The following ASCC1 variants were observed in gnomAD, a reference collection of about 807,000 sequenced individuals.
ASCC1 encodes the protein ASC-1 complex subunit P50.
In ASCC1, 35 loss-of-function variants were observed where a neutral mutation model predicts 46.6. The observed-to-expected ratio is 0.75, with a 90% CI of 0.57 to 0.99. The LOEUF (loss-of-function observed/expected upper bound fraction) is 0.99. Among genes scored for constraint, ASCC1 ranks in the 50% least tolerant of loss-of-function variants. The pLI, the probability that ASCC1 is intolerant of heterozygous loss-of-function variation, is 0.00. For missense variants in ASCC1, 376 were observed against 428.7 expected, an observed-to-expected ratio of 0.88 and a Z score of 1.09; for synonymous variants, 143 against 146.6, an observed-to-expected ratio of 0.98 and a Z score of 0.18.
Position 72,152,873 on chromosome 10 carries a change from T to C in ASCC1, c.742A>G (p.Asn248Asp). The C allele has an allele frequency of 6.2e-7, 1 of 1,614,132 alleles. No homozygotes were observed. Among genetic ancestry groups the C allele is most frequent in the South Asian group, 1.1e-5 (1 of 91,086 alleles). The change falls in exon 7 of 10, where the codon AAC (asparagine) becomes GAC (aspartate). Residue 248 changes from asparagine (N) to aspartate (D), a missense_variant. Physicochemically the swap from Asn to Asp is conservative, Grantham distance 23. Transcript: ENST00000672957. ...YAKVHMKDGS[N>D]RLQELVDRVL... ...AGAAGCATTCCAGAAATATACCTGT[T>C]GGAGCCATCTTTCATATGGACTTTG... is the stretch of plus-strand genomic sequence containing the variant.
chr10:72,139,339 C>G (rs1204100279), intron 7 of ASCC1, among the ~76,000 whole-genome samples: 1 of 152,068 alleles, frequency 6.6e-6, no homozygotes, highest in Admixed American at 6.5e-5. Context: ...TGGTCTCGAT[C>G]TCCTGACCTC....
At chr10:72,149,393 A>G (rs956195638) in intron 7 of ASCC1, among the ~76,000 whole-genome samples, 3 of 138,010 alleles carry the variant, frequency 2.2e-5, no homozygotes, top group African/African-American at 5.4e-5. Context: ...AGCCTAGATC[A>G]CGCCACTGCA....
intron 5 of ASCC1, among the ~76,000 whole-genome samples, chr10:72,192,549 A>G (rs1472913446): frequency 6.6e-6 from 1 of 152,054 alleles, no homozygotes; most frequent in African/African-American, 2.4e-5. Flanking sequence ...GCTGGAGTGC[A>G]GTGGCACCAT....
chr10:72,182,846 A>C (rs1241223245), intron 5 of ASCC1, among the ~76,000 whole-genome samples: 1 of 151,462 alleles, frequency 6.6e-6, no homozygotes, highest in Non-Finnish European at 1.5e-5. Flanking sequence ...AGAGACAAAA[A>C]ACTAAATGCA....
chr10:72,202,360 C>T (rs1183528420), intron 4 of ASCC1, among the ~76,000 whole-genome samples: 1 of 151,650 alleles, frequency 6.6e-6, no homozygotes, highest in South Asian at 2.1e-4. Context: ...CCCAGCTACT[C>T]GGGAGGCTGA....
chr10:72,213,931 G>A (rs915943666), intron 1 of ASCC1, among the ~76,000 whole-genome samples: 3 of 151,974 alleles, frequency 2.0e-5, no homozygotes, highest in East Asian at 1.9e-4. Context: ...CCAGCTACTC[G>A]GGAGGCTGAG....
At chr10:72,193,387 C>CTGTA (rs1564732756) in intron 5 of ASCC1, among the ~76,000 whole-genome samples, 1 of 151,990 alleles carries the variant, frequency 6.6e-6, no homozygotes, top group Non-Finnish European at 1.5e-5. Context: ...CAGTTACCTA[C>CTGTA]TGTATGATTC....
intron 8 of ASCC1, among the ~76,000 whole-genome samples, chr10:72,131,283 G>C (rs1465723725): frequency 6.6e-6 from 1 of 152,146 alleles, no homozygotes; most frequent in Non-Finnish European, 1.5e-5. Context: ...GCTGAGCGCG[G>C]TGGCAGGTGC....
chr10:72,174,063 TTTC>T (rs761983142), intron 5 of ASCC1, among the ~76,000 whole-genome samples: 12 of 152,236 alleles, frequency 7.9e-5, no homozygotes, highest in African/African-American at 1.7e-4. Flanking sequence ...CCTCAGTTTC[TTTC>T]TTGTTAAATA....
chr10:72,191,070 T>C (rs578096136), intron 5 of ASCC1, among the ~76,000 whole-genome samples: 1 of 150,844 alleles, frequency 6.6e-6, no homozygotes, highest in South Asian at 2.1e-4. Flanking sequence ...TTGTTTCTTT[T>C]TTTTTGAGAC....
At chr10:72,216,798 C>G (rs1342405801), upstream of ASCC1, 2 of 456,198 alleles carry the variant, frequency 4.4e-6, no homozygotes, top group South Asian at 3.1e-5. Flanking sequence ...CTGTGAGGAT[C>G]TCCACTGTCA....
intron 4 of ASCC1, among the ~76,000 whole-genome samples, chr10:72,199,192 C>T (rs867485804): frequency 4.0e-5 from 6 of 151,724 alleles, no homozygotes; most frequent in South Asian, 2.1e-4. Flanking sequence ...GGCACGATCT[C>T]GGCTCACTGC....
intron 9 of ASCC1, among the ~76,000 whole-genome samples, chr10:72,104,847 A>C (rs777391336): frequency 8.5e-5 from 13 of 152,162 alleles, no homozygotes; most frequent in Non-Finnish European, 1.9e-4. Context: ...ATAAGTACTG[A>C]CTTGGACGAT....
chr10:72,145,518 T>C (rs1847524610), intron 7 of ASCC1, among the ~76,000 whole-genome samples: 1 of 150,302 alleles, frequency 6.7e-6, no homozygotes, highest in Non-Finnish European at 1.5e-5. Flanking sequence ...ATCAATTCCT[T>C]AGACAGGCTT....
intron 5 of ASCC1, among the ~76,000 whole-genome samples, chr10:72,192,876 G>GA (rs1213812274): frequency 3.9e-5 from 6 of 152,094 alleles, no homozygotes; most frequent in African/African-American, 1.4e-4. Context: ...AAAAGCACAT[G>GA]AAAAAATGTT....
At chr10:72,215,560 G>A (rs1281951490) in intron 1 of ASCC1, among the ~76,000 whole-genome samples, 1 of 152,062 alleles carries the variant, frequency 6.6e-6, no homozygotes, top group Non-Finnish European at 1.5e-5. Flanking sequence ...CCTATTCCCC[G>A]AGGCCTCTAA....
At chr10:72,105,800 C>T (rs1033647695) in intron 9 of ASCC1, among the ~76,000 whole-genome samples, 2 of 152,106 alleles carry the variant, frequency 1.3e-5, no homozygotes, top group Non-Finnish European at 2.9e-5. Context: ...GTTATTTTTC[C>T]TTGCATTCGT....
intron 7 of ASCC1, among the ~76,000 whole-genome samples, chr10:72,138,600 C>CTTTTTTTTTTTTTTTTT (rs1011535460): frequency 2.6e-4 from 27 of 104,534 alleles, no homozygotes; most frequent in African/African-American, 5.7e-4. Flanking sequence ...TTCTTTCTTT[C>CTTTTTTTTTTTTTTTTT]TTTTTTTTTT....
At chr10:72,143,892 A>C in intron 7 of ASCC1, among the ~76,000 whole-genome samples, 1 of 152,028 alleles carries the variant, frequency 6.6e-6, no homozygotes, top group South Asian at 2.1e-4. Context: ...AGGCTGTTCT[A>C]TTAGGCTCAT....
Sources: gnomAD v4.1 joint callset for allele counts (sites outside exome capture counted in the v4.1 genomes callset) on GRCh38, gnomAD v4.1.1 for gene constraint, MANE v1.5 for transcripts, NCBI Gene and HGNC (gene_info 2026-07-23, HGNC 2026-07-21) for gene names.